The following PTPRD variants were observed in gnomAD, a reference collection of about 807,000 sequenced individuals.
PTPRD encodes receptor-type tyrosine-protein phosphatase delta.
In PTPRD, 34 loss-of-function variants were observed where a neutral mutation model predicts 214.5. That is an observed-to-expected ratio of 0.16 (90% CI 0.12 to 0.21). The LOEUF (loss-of-function observed/expected upper bound fraction) is 0.21, where lower values mean the gene tolerates loss of function less well. Among genes scored for constraint, PTPRD ranks in the 10% least tolerant of loss-of-function variants. The pLI is 1.00. For missense variants in PTPRD, 2,545 were observed against 2,398.7 expected (o/e 1.06, Z -1.27); for synonymous variants, 1,128 against 845.7 (o/e 1.33, Z -5.79).
At chr9:9,155,511 G>A (rs1173999903) in intron 10 of PTPRD, among the ~76,000 whole-genome samples, 1 of 152,128 alleles carries the variant, frequency 6.6e-6, no homozygotes, top group African/African-American at 2.4e-5. Context: ...ATTGATTGAT[G>A]TGCCTGAGAA....
At chr9:9,909,798 T>G (rs1341156216) in intron 5 of PTPRD, among the ~76,000 whole-genome samples, 1 of 151,578 alleles carries the variant, frequency 6.6e-6, no homozygotes, top group East Asian at 1.9e-4. Flanking sequence ...GTCATGAGCA[T>G]GCACTATTCA....
intron 4 of PTPRD, among the ~76,000 whole-genome samples, chr9:9,947,277 CAT>C (rs1411740838): frequency 9.3e-6 from 1 of 107,240 alleles, no homozygotes; most frequent in Non-Finnish European, 1.8e-5. Context: ...TTATACTTAA[CAT>C]GTGCTCTGGA....
At chr9:8,814,258 C>G (rs1294119100) in intron 11 of PTPRD, among the ~76,000 whole-genome samples, 1 of 152,184 alleles carries the variant, frequency 6.6e-6, no homozygotes, top group Non-Finnish European at 1.5e-5. Flanking sequence ...AGCAGGGCAT[C>G]TTCTGCATAT....
chr9:10,185,456 C>T (rs956410734), intron 3 of PTPRD, among the ~76,000 whole-genome samples: 11 of 152,144 alleles, frequency 7.2e-5, no homozygotes, highest in African/African-American at 2.7e-4. Flanking sequence ...TATATCTTTC[C>T]TCCTTTGTGG....
At position 10,392,038 on chromosome 9, in the gene PTPRD, TTTC is replaced by T. The variant is rs546815315; in HGVS notation, c.-599-51024_-599-51022del. On this transcript the variant is annotated intron_variant, in intron 2 of 45. Coordinates refer to ENST00000381196, the MANE Select transcript of PTPRD (RefSeq NM_002839.4). ...CTTCCCTTCCCTACTACGTTTTATT[TTTC>T]TTCTTCTTCTTCATAGCATTTCATC... Among the ~76,000 whole-genome samples, 34 of 151,922 alleles carry T rather than the reference TTTC, an allele frequency of 2.2e-4. No individual in the cohort carries two copies. In the South Asian group the frequency reaches 5.0e-3, roughly 22 times the overall value.
intron 14 of PTPRD, among the ~76,000 whole-genome samples, chr9:8,562,961 G>C (rs2087046477): frequency 6.6e-6 from 1 of 151,206 alleles, no homozygotes; most frequent in Admixed American, 6.6e-5. Flanking sequence ...TTTGCATATG[G>C]GCACCCACTT....
At chr9:8,355,857 C>A (rs530742569) in intron 39 of PTPRD, among the ~76,000 whole-genome samples, 13 of 152,266 alleles carry the variant, frequency 8.5e-5, no homozygotes, top group African/African-American at 3.1e-4. Context: ...GCTGATATGG[C>A]TGGTCGCTGG....
chr9:10,125,267 T>A (rs1268450913), intron 3 of PTPRD, among the ~76,000 whole-genome samples: 1 of 151,996 alleles, frequency 6.6e-6, no homozygotes, highest in Non-Finnish European at 1.5e-5. Flanking sequence ...TCTATCCACA[T>A]TATTGCCTCA....
intron 5 of PTPRD, among the ~76,000 whole-genome samples, chr9:9,836,077 G>A (rs1002435592): frequency 1.3e-5 from 2 of 152,112 alleles, no homozygotes; most frequent in African/African-American, 4.8e-5. Context: ...AGAGATGATG[G>A]CCTAAAGCAA....
chr9:8,437,623 A>G (rs1010208312), intron 34 of PTPRD, among the ~76,000 whole-genome samples: 3 of 152,152 alleles, frequency 2.0e-5, no homozygotes, highest in South Asian at 2.1e-4. Flanking sequence ...CAACTCTGTG[A>G]TATTTTGCCC....
At chr9:9,494,415 G>T (rs2096072572) in intron 8 of PTPRD, among the ~76,000 whole-genome samples, 1 of 152,160 alleles carries the variant, frequency 6.6e-6, no homozygotes, top group Admixed American at 6.5e-5. Context: ...AACATTCATT[G>T]TTGTTCTAAA....
chr9:8,629,184 AT>A (rs2096159598), intron 14 of PTPRD, among the ~76,000 whole-genome samples: 1 of 151,848 alleles, frequency 6.6e-6, no homozygotes, highest in African/African-American at 2.4e-5. Context: ...AGTTGATTAA[AT>A]GGTTCCAGAA....
chr9:8,448,276 C>T (rs923386859), intron 34 of PTPRD, among the ~76,000 whole-genome samples: 6 of 152,094 alleles, frequency 3.9e-5, no homozygotes, highest in African/African-American at 7.2e-5. Context: ...TGCAGTGAGC[C>T]GTCATTGTGC....
At chr9:9,969,240 G>A (rs1402452115) in intron 4 of PTPRD, among the ~76,000 whole-genome samples, 1 of 152,146 alleles carries the variant, frequency 6.6e-6, no homozygotes, top group Non-Finnish European at 1.5e-5. Context: ...AAAGGCTAGG[G>A]TGGCTGCAGC....
At position 9,271,107 on chromosome 9, in the gene PTPRD, T is replaced by C. The variant is rs756726654; in HGVS notation, c.-202-87744A>G. Among the ~76,000 whole-genome samples the C allele has an allele frequency of 1.8e-3, 270 of 151,394 alleles. 1 individual carries two copies. Among genetic ancestry groups the C allele is most frequent in the Middle Eastern group, 3.4e-3 (1 of 294 alleles). On this transcript the variant is annotated intron_variant, in intron 9 of 45. Coordinates refer to ENST00000381196, the MANE Select transcript of PTPRD (RefSeq NM_002839.4). ...GGGCTACTAAGATATGCTGCTGATA[T>C]GAAGCCTGAAACTCTAAATTACATA...
intron 11 of PTPRD, among the ~76,000 whole-genome samples, chr9:8,870,716 A>ACACACACAC: frequency 6.6e-6 from 1 of 151,578 alleles, no homozygotes; most frequent in South Asian, 2.1e-4. Flanking sequence ...ACACACACAC[A>ACACACACAC]CACACACACA....
intron 2 of PTPRD, among the ~76,000 whole-genome samples, chr9:10,554,320 G>A (rs772128642): frequency 9.2e-5 from 14 of 152,154 alleles, no homozygotes; most frequent in African/African-American, 2.9e-4. Flanking sequence ...TTGTTCACCT[G>A]AACAAAATAG....
intron 9 of PTPRD, among the ~76,000 whole-genome samples, chr9:9,211,171 T>A (rs1175963121): frequency 6.6e-6 from 1 of 152,056 alleles, no homozygotes; most frequent in Non-Finnish European, 1.5e-5. Context: ...CCCATCTATG[T>A]CTCTTTTCAT....
At chr9:9,395,191 A>C (rs7865810) in intron 9 of PTPRD, among the ~76,000 whole-genome samples, 22,064 of 149,990 alleles carry the variant, frequency 0.15, 2,188 homozygotes, top group African/African-American at 0.28. Flanking sequence ...ATGAAACAAA[A>C]AAAAAAAAAA....
Sources: gnomAD v4.1 joint callset for allele counts (sites outside exome capture counted in the v4.1 genomes callset) on GRCh38, gnomAD v4.1.1 for gene constraint, MANE v1.5 for transcripts, NCBI Gene and HGNC (gene_info 2026-07-23, HGNC 2026-07-21) for gene names.